The following MAST4 variants were observed in gnomAD, a reference collection of about 807,000 sequenced individuals.
The protein encoded by MAST4 is microtubule associated serine/threonine kinase family member 4.
Under a neutral mutation model 162.7 loss-of-function variants are expected in MAST4, and 89 were observed. The ratio of observed to expected loss-of-function variants is 0.55; its 90% CI spans 0.46 to 0.65. The LOEUF is 0.65. MAST4 is among the 30% of genes least tolerant of loss of function. The pLI is 0.00. For synonymous variants in MAST4, 1,479 were observed against 1,361.1 expected, an observed-to-expected ratio of 1.09 and a Z score of -1.91; for missense variants, 3,153 against 3,374.0, an observed-to-expected ratio of 0.93 and a Z score of 1.62.
At chr5:66,969,862 G>A (rs993075817) in intron 4 of MAST4, among the ~76,000 whole-genome samples, 3 of 151,870 alleles carry the variant, frequency 2.0e-5, no homozygotes, top group Admixed American at 6.6e-5. Context: ...CTATTTTTCC[G>A]CCTTTCACTT....
intron 10 of MAST4, among the ~76,000 whole-genome samples, chr5:67,108,202 AAATTCTCATTTCTCTTTGAAGAGAC>A (rs1385098523): frequency 2.0e-5 from 3 of 152,368 alleles, no homozygotes; most frequent in South Asian, 4.1e-4. Context: ...TTAAGACACA[AAATTCTCATTTCTCTTTGAAGAGAC>A]AATCCAAAAT....
intron 2 of MAST4, among the ~76,000 whole-genome samples, chr5:66,788,235 GT>G (rs1168691720): frequency 6.6e-6 from 1 of 152,142 alleles, no homozygotes; most frequent in East Asian, 1.9e-4. Flanking sequence ...GTTTCCTTTT[GT>G]TGGTCATGAT....
Position 66,596,845 on chromosome 5 carries a change from C to T in MAST4, c.190C>T (p.Pro64Ser), listed in dbSNP as rs1742209888. The T allele has an allele frequency of 7.7e-7, 1 of 1,297,812 alleles. No individual in the cohort carries two copies. The allele number at this position is 1,297,812 out of a possible 1,614,324, so 80.4% of individuals were successfully genotyped here. A position where few individuals can be genotyped will look rare whatever the true frequency, so the allele number is the denominator to read the frequency against. The change falls in exon 1 of 29, where the codon CCG (proline) becomes TCG (serine). Residue 64 changes from proline to serine, a missense_variant. Physicochemically the swap from Pro to Ser is moderately conservative, Grantham distance 74 (BLOSUM62 -1). Transcript: ENST00000403625. ...PGGFSREHQP[P>S]PPPPLGGTLG... ...CGGCTTCTCCAGAGAGCATCAGCCG[C>T]CGCCGCCGCCGCCGTTGGGAGGCAC...
chr5:66,757,735 C>T (rs1198915027), intron 1 of MAST4, among the ~76,000 whole-genome samples: 2 of 152,250 alleles, frequency 1.3e-5, no homozygotes, highest in African/African-American at 4.8e-5. Flanking sequence ...AAGGTTAACT[C>T]GCCACTGAGA....
intron 4 of MAST4, among the ~76,000 whole-genome samples, chr5:67,045,039 T>A (rs1422243444): frequency 1.3e-5 from 2 of 152,222 alleles, no homozygotes; most frequent in East Asian, 3.8e-4. Context: ...TATGTCATTT[T>A]AAATCAGTTT....
intron 5 of MAST4, among the ~76,000 whole-genome samples, chr5:67,080,933 TTATA>T (rs1202349117): frequency 7.1e-6 from 1 of 140,572 alleles, no homozygotes; most frequent in African/African-American, 2.6e-5. Context: ...TTTTCTTTAA[TTATA>T]TATATTATAT....
At chr5:66,765,122 C>T (rs1754032535) in intron 2 of MAST4, among the ~76,000 whole-genome samples, 1 of 152,000 alleles carries the variant, frequency 6.6e-6, no homozygotes, top group South Asian at 2.1e-4. Flanking sequence ...GGCTATATAC[C>T]CTGTAGTTTG....
intron 4 of MAST4, among the ~76,000 whole-genome samples, chr5:66,936,575 T>TG (rs1387686998): frequency 6.6e-6 from 1 of 151,970 alleles, no homozygotes; most frequent in African/African-American, 2.4e-5. Flanking sequence ...AGGTACTCAG[T>TG]GGGGGAGCTT....
intron 3 of MAST4, among the ~76,000 whole-genome samples, chr5:66,827,282 T>C (rs1026978482): frequency 6.6e-6 from 1 of 152,194 alleles, no homozygotes; most frequent in Non-Finnish European, 1.5e-5. Context: ...CTCCTCCACA[T>C]ATAAGCGAGA....
At chr5:66,788,838 C>T (rs533552996) in intron 3 of MAST4, 44 bp downstream of exon 3, 1 of 1,505,864 alleles carries the variant, frequency 6.6e-7, no homozygotes. Flanking sequence ...CAGCTCACCA[C>T]CTCTCTAGGG....
chr5:66,789,353 A>C (rs1755276345), intron 3 of MAST4, among the ~76,000 whole-genome samples: 1 of 152,144 alleles, frequency 6.6e-6, no homozygotes, highest in Admixed American at 6.5e-5. Flanking sequence ...TTTCAGTTTT[A>C]TCGATTGACT....
At chr5:67,052,846 T>C (rs1758352895) in intron 4 of MAST4, among the ~76,000 whole-genome samples, 1 of 152,196 alleles carries the variant, frequency 6.6e-6, no homozygotes, top group Non-Finnish European at 1.5e-5. Flanking sequence ...TAATTTCTTC[T>C]ATTAACATCA....
chr5:67,009,449 G>A (rs139391896), intron 4 of MAST4, among the ~76,000 whole-genome samples: 109 of 152,242 alleles, frequency 7.2e-4, no homozygotes, highest in African/African-American at 2.3e-3. Flanking sequence ...TAAGAGGGTC[G>A]TTCTGAAGCC....
rs563908240 is a variant in MAST4, at chr5:67,152,953, T to G, written c.3525+87T>G. ...GGTTGGCTGATAAATAGCAAATATA[T>G]TTACTTTTAAGCTTGCATTTGCGAC... On this transcript the variant is annotated intron_variant, in intron 25 of 28. Coordinates refer to ENST00000403625, the MANE Select transcript of MAST4 (RefSeq NM_001164664.2). 1.4e-4 allele frequency: 152 copies of G among 1,116,070 alleles called. No individual in the cohort carries two copies. In the African/African-American group the frequency reaches 2.2e-3, roughly 16 times the overall value. The allele number at this position is 1,116,070 out of a possible 1,614,324, so 69.1% of individuals were successfully genotyped here. A position where few individuals can be genotyped will look rare whatever the true frequency, so the allele number is the denominator to read the frequency against.
chr5:66,660,621 A>C (rs961156219), intron 1 of MAST4, among the ~76,000 whole-genome samples: 1 of 152,228 alleles, frequency 6.6e-6, no homozygotes, highest in Non-Finnish European at 1.5e-5. Flanking sequence ...TAAATACAGT[A>C]AAGCTGGTAT....
chr5:67,040,690 G>T (rs553797054), intron 4 of MAST4, among the ~76,000 whole-genome samples: 30 of 152,356 alleles, frequency 2.0e-4, no homozygotes, highest in Admixed American at 4.6e-4. Context: ...CTAAGTACCA[G>T]CTCCATCTCT....
At chr5:67,129,553 C>A (rs771697269) in intron 14 of MAST4, among the ~76,000 whole-genome samples, 3 of 151,864 alleles carry the variant, frequency 2.0e-5, no homozygotes, top group Non-Finnish European at 2.9e-5. Context: ...AACTCTGTCT[C>A]TACCAAAAAA....
chr5:66,817,210 T>C (rs550104782), intron 3 of MAST4, among the ~76,000 whole-genome samples: 14 of 152,344 alleles, frequency 9.2e-5, no homozygotes, highest in Admixed American at 2.0e-4. Context: ...ATAGTAGATA[T>C]TTAGTGATTG....
At chr5:67,026,874 T>C (rs1754711162) in intron 4 of MAST4, among the ~76,000 whole-genome samples, 1 of 152,148 alleles carries the variant, frequency 6.6e-6, no homozygotes, top group Non-Finnish European at 1.5e-5. Context: ...GGCCTCACCT[T>C]ATATTAATAT....
Sources: gnomAD v4.1 joint callset for allele counts (sites outside exome capture counted in the v4.1 genomes callset) on GRCh38, gnomAD v4.1.1 for gene constraint, MANE v1.5 for transcripts, NCBI Gene and HGNC (gene_info 2026-07-23, HGNC 2026-07-21) for gene names.